Variants in MAML3 observed in about 807,000 individuals in gnomAD.
The protein encoded by MAML3 is mastermind like transcriptional coactivator 3.
Under a neutral mutation model 101.9 loss-of-function variants are expected in MAML3, and 27 were observed. That is an observed-to-expected ratio of 0.27 (90% CI 0.20 to 0.37). MAML3 has a LOEUF of 0.37. Among genes scored for constraint, MAML3 ranks in the 10% least tolerant of loss-of-function variants. The pLI is 1.00. For synonymous variants in MAML3, 501 were observed against 555.9 expected, an observed-to-expected ratio of 0.90 and a Z score of 1.39; for missense variants, 1,316 against 1,444.9, an observed-to-expected ratio of 0.91 and a Z score of 1.45.
intron 1 of MAML3, among the ~76,000 whole-genome samples, chr4:140,143,558 C>A (rs1361743682): frequency 1.3e-5 from 2 of 152,132 alleles, no homozygotes; most frequent in African/African-American, 4.8e-5. Context: ...GTCAGGAGTT[C>A]AAGACCAGCC....
intron 2 of MAML3, among the ~76,000 whole-genome samples, chr4:139,778,720 C>T (rs1011521736): frequency 3.9e-5 from 6 of 152,164 alleles, no homozygotes; most frequent in Non-Finnish European, 8.8e-5. Flanking sequence ...CACAGTGGCT[C>T]ATGCCTGTAA....
chr4:139,722,549 A>G (rs955068979), intron 4 of MAML3, among the ~76,000 whole-genome samples: 7 of 152,230 alleles, frequency 4.6e-5, no homozygotes, highest in Admixed American at 4.6e-4. Flanking sequence ...CACAATGTCC[A>G]AGAAAATCTT....
chr4:140,047,269 G>A (rs566389875), intron 1 of MAML3, among the ~76,000 whole-genome samples: 1 of 152,156 alleles, frequency 6.6e-6, no homozygotes, highest in Non-Finnish European at 1.5e-5. Flanking sequence ...AGATTTGGGG[G>A]GAACGCACTG....
At chr4:139,933,032 GCAGA>G (rs1328026318) in intron 1 of MAML3, among the ~76,000 whole-genome samples, 2 of 152,170 alleles carry the variant, frequency 1.3e-5, no homozygotes, top group South Asian at 4.1e-4. Flanking sequence ...AAGCGACACA[GCAGA>G]CAGACAGGCC....
intron 1 of MAML3, among the ~76,000 whole-genome samples, chr4:140,020,277 A>C (rs1253622019): frequency 1.3e-5 from 2 of 151,926 alleles, no homozygotes; most frequent in Non-Finnish European, 2.9e-5. Context: ...CAAACAAAAG[A>C]CTCTTTTTCT....
chr4:139,824,007 G>A (rs1308451736), intron 2 of MAML3, among the ~76,000 whole-genome samples: 5 of 152,080 alleles, frequency 3.3e-5, no homozygotes, highest in East Asian at 1.9e-4. Context: ...GCAGCTGGCT[G>A]TCCACAAAGC....
chr4:139,879,247 C>T (rs1361049560), intron 2 of MAML3, among the ~76,000 whole-genome samples: 3 of 151,882 alleles, frequency 2.0e-5, no homozygotes, highest in Non-Finnish European at 2.9e-5. Flanking sequence ...TAGTGGTGGC[C>T]GGGTGCAGTG....
intron 4 of MAML3, among the ~76,000 whole-genome samples, chr4:139,723,102 C>T (rs2110964512): frequency 6.6e-6 from 1 of 152,312 alleles, no homozygotes; most frequent in Non-Finnish European, 1.5e-5. Context: ...AGGATGATAT[C>T]ATATCTATAT....
chr4:139,816,437 T>C (rs1301038939), intron 2 of MAML3, among the ~76,000 whole-genome samples: 2 of 152,180 alleles, frequency 1.3e-5, no homozygotes, highest in African/African-American at 4.8e-5. Flanking sequence ...GATCGTGAGC[T>C]TAGAGGCCAA....
At chr4:139,996,199 C>A (rs187453033) in intron 1 of MAML3, among the ~76,000 whole-genome samples, 5 of 152,190 alleles carry the variant, frequency 3.3e-5, no homozygotes, top group South Asian at 2.1e-4. Context: ...ATTCCCTGTG[C>A]ATTTGAAAAG....
At chr4:139,875,160 C>T (rs1402571738) in intron 2 of MAML3, among the ~76,000 whole-genome samples, 1 of 152,010 alleles carries the variant, frequency 6.6e-6, no homozygotes, top group Non-Finnish European at 1.5e-5. Flanking sequence ...ATAACCCGCC[C>T]AAGGTCCTGC....
At chr4:139,877,850 T>G (rs1322208464) in intron 2 of MAML3, among the ~76,000 whole-genome samples, 3 of 152,248 alleles carry the variant, frequency 2.0e-5, no homozygotes, top group Non-Finnish European at 2.9e-5. Flanking sequence ...ATTATTTACA[T>G]GTATACATGT....
rs1275819655 is a variant in MAML3 at position 139,717,680 on chromosome 4, C to T, written c.*1643G>A. 6.6e-6 allele frequency: 1 copy of T among 152,322 alleles called. No homozygotes were observed. Among genetic ancestry groups the T allele is most frequent in the Non-Finnish European group, 1.5e-5 (1 of 68,124 alleles). The allele number at this position is 152,322 out of a possible 1,614,324, so 9.4% of individuals were successfully genotyped here. ...CTTCTCAGGACTGAGTGTGGCCAGT[C>T]CAACCCCACAGGCTCCGACTCTTCC... On this transcript the variant is annotated 3_prime_UTR_variant, in exon 5 of 5. Transcript: ENST00000509479.
At position 139,889,579 on chromosome 4, in the gene MAML3, T is replaced by C. The variant is rs766187584; in HGVS notation, c.1857A>G (p.Pro619=). ...NADLSQRMTP[P]VANPNKNPLM... The stretch of plus-strand genomic sequence containing the variant: ...AGGGGTTTTTGTTGGGGTTGGCCAC[T>C]GGTGGTGTCATCCTCTGACTCAGGT... The change falls in exon 2 of 5, where the codon CCA becomes CCG. Residue 619 remains proline (P), a synonymous_variant. Coordinates refer to ENST00000509479, the MANE Select transcript of MAML3 (RefSeq NM_018717.5). 4 of 1,613,806 alleles carry C rather than the reference T, an allele frequency of 2.5e-6. No homozygotes were observed. Among genetic ancestry groups the C allele is most frequent in the South Asian group, 1.1e-5 (1 of 91,080 alleles).
chr4:139,835,266 T>C (rs1018772941), intron 2 of MAML3, among the ~76,000 whole-genome samples: 1 of 152,292 alleles, frequency 6.6e-6, no homozygotes, highest in Admixed American at 6.5e-5. Context: ...TTTATACTTC[T>C]GTCCCAAGTT....
intron 1 of MAML3, among the ~76,000 whole-genome samples, chr4:139,913,761 G>C (rs1413690691): frequency 2.6e-5 from 4 of 152,310 alleles, no homozygotes; most frequent in South Asian, 4.1e-4. Context: ...GGGTAGCTCA[G>C]CTATTGCTGA....
At chr4:139,849,465 G>C (rs1302930685) in intron 2 of MAML3, among the ~76,000 whole-genome samples, 2 of 152,188 alleles carry the variant, frequency 1.3e-5, no homozygotes, top group Non-Finnish European at 2.9e-5. Flanking sequence ...AATAAGACAA[G>C]ATCTGACCTC....
chr4:139,922,344 A>G (rs1335575119), intron 1 of MAML3, among the ~76,000 whole-genome samples: 1 of 152,214 alleles, frequency 6.6e-6, no homozygotes, highest in African/African-American at 2.4e-5. Flanking sequence ...TTTCTTGTGC[A>G]AGATCATTAC....
At chr4:139,830,615 T>A (rs1411122956) in intron 2 of MAML3, among the ~76,000 whole-genome samples, 1 of 151,864 alleles carries the variant, frequency 6.6e-6, no homozygotes, top group Non-Finnish European at 1.5e-5. Flanking sequence ...GGGGTTTCAC[T>A]GTGTTAGCCA....
Sources: gnomAD v4.1 joint callset for allele counts (sites outside exome capture counted in the v4.1 genomes callset) on GRCh38, gnomAD v4.1.1 for gene constraint, MANE v1.5 for transcripts, NCBI Gene and HGNC (gene_info 2026-07-23, HGNC 2026-07-21) for gene names.